The following NBEA variants were observed in gnomAD, a reference collection of about 807,000 sequenced individuals.
NBEA encodes neurobeachin, also known as lysosomal-trafficking regulator 2.
In NBEA, 44 loss-of-function variants were observed where a neutral mutation model predicts 343.4. That is an observed-to-expected ratio of 0.13 (90% confidence interval 0.10 to 0.16). The LOEUF is 0.16. NBEA is among the 10% of genes least tolerant of loss of function. The probability of loss-of-function intolerance (pLI) is 1.00; values close to 1 mark genes in which losing one functional copy is unlikely to be tolerated. For synonymous variants in NBEA, 1,175 were observed against 1,238.7 expected (o/e 0.95, Z 1.08); for missense variants, 2,555 against 3,631.3 (o/e 0.70, Z 7.62).
At position 35,672,670 on chromosome 13, in the gene NBEA, G is replaced by A; in HGVS notation, c.*1679G>A. The A allele has an allele frequency of 6.5e-6, 1 of 152,714 alleles. No homozygotes were observed. Among genetic ancestry groups the A allele is most frequent in the Non-Finnish European group, 1.5e-5 (1 of 68,020 alleles). 9.5% of individuals were successfully genotyped at this position (152,714 alleles called of 1,614,324 possible). A position where few individuals can be genotyped will look rare whatever the true frequency, so the allele number is the denominator to read the frequency against. ...TGTAACCATGTTTTATTGCAAAGAT[G>A]TAAAATATGCCAGATGTGTGTGAGT... On this transcript the variant is annotated 3_prime_UTR_variant, in exon 59 of 59. Coordinates refer to ENST00000379939, the MANE Select transcript of NBEA (RefSeq NM_001385012.1).
At chr13:35,386,716 A>G (rs2042257945) in intron 38 of NBEA, among the ~76,000 whole-genome samples, 2 of 152,180 alleles carry the variant, frequency 1.3e-5, no homozygotes, top group East Asian at 3.8e-4. Context: ...ATCAAGGCAA[A>G]CAAACCTGAA....
chr13:35,102,701 T>A (rs1025746754), intron 11 of NBEA, among the ~76,000 whole-genome samples: 1 of 151,890 alleles, frequency 6.6e-6, no homozygotes, highest in African/African-American at 2.4e-5. Context: ...TTGTTACTGG[T>A]ACATAGAATT....
intron 31 of NBEA, among the ~76,000 whole-genome samples, chr13:35,199,508 A>G (rs2072868709): frequency 6.6e-6 from 1 of 152,156 alleles, no homozygotes; most frequent in Admixed American, 6.6e-5. Flanking sequence ...TCCTAATAAT[A>G]TTGTACAGTC....
chr13:35,173,443 T>G, intron 26 of NBEA, 21 bp from the exon 27 acceptor site: 1 of 1,559,730 alleles, frequency 6.4e-7, no homozygotes, highest in Non-Finnish European at 8.7e-7. Context: ...ATTAACAATA[T>G]GTTTTTGAAT....
chr13:35,361,593 G>T (rs898711264), intron 38 of NBEA, among the ~76,000 whole-genome samples: 3 of 152,002 alleles, frequency 2.0e-5, no homozygotes, highest in Non-Finnish European at 2.9e-5. Flanking sequence ...ACTTCTAGGA[G>T]AAAACATAGG....
At chr13:35,473,848 G>T (rs2075754518) in intron 41 of NBEA, among the ~76,000 whole-genome samples, 1 of 152,120 alleles carries the variant, frequency 6.6e-6, no homozygotes, top group Admixed American at 6.5e-5. Flanking sequence ...GTTTCATTAT[G>T]ACTTTGTTAA....
chr13:35,055,401 C>A (rs183302086), intron 6 of NBEA, among the ~76,000 whole-genome samples: 15 of 151,708 alleles, frequency 9.9e-5, no homozygotes, highest in Non-Finnish European at 1.5e-4. Context: ...AATATTCCCA[C>A]ATTGTTATTA....
At chr13:35,332,482 T>C (rs2038984387) in intron 36 of NBEA, among the ~76,000 whole-genome samples, 1 of 152,124 alleles carries the variant, frequency 6.6e-6, no homozygotes, top group South Asian at 2.1e-4. Flanking sequence ...TTAACTGTTA[T>C]CTTGTAAGTT....
chr13:34,943,746 ATC>A (rs1475536080), intron 1 of NBEA, among the ~76,000 whole-genome samples: 3 of 152,128 alleles, frequency 2.0e-5, no homozygotes, highest in Non-Finnish European at 4.4e-5. Context: ...GAATATACTG[ATC>A]TCTTAGTCAT....
At chr13:35,161,997 A>G (rs1167529168) in intron 23 of NBEA, 30 bp downstream of exon 23, 1 of 1,508,284 alleles carries the variant, frequency 6.6e-7, no homozygotes, top group South Asian at 1.2e-5. Flanking sequence ...ATAAATTAAA[A>G]GCAAATATTT....
intron 34 of NBEA, among the ~76,000 whole-genome samples, chr13:35,266,521 T>C (rs1417781290): frequency 2.6e-5 from 4 of 151,712 alleles, no homozygotes; most frequent in African/African-American, 4.8e-5. Flanking sequence ...GAAGGAAATA[T>C]TTTCCTTTGC....
chr13:35,429,072 A>G lies in NBEA; in HGVS notation c.6180-3197A>G, dbSNP rs369746283. Among the ~76,000 whole-genome samples the G allele has an allele frequency of 1.0e-3, 158 of 152,282 alleles. 1 individual carries two copies. Among genetic ancestry groups the G allele is most frequent in the East Asian group, 1.5e-3 (8 of 5,170 alleles). ...GCAGTGAAAGTCCTGACTCTGCAGTAGGCTTACTCTGACACTTCCCCAGTG... is the reference window on the plus strand; with the variant it reads ...GCAGTGAAAGTCCTGACTCTGCAGTGGGCTTACTCTGACACTTCCCCAGTG... On this transcript the variant is annotated intron_variant, in intron 38 of 58. Transcript: ENST00000379939.
intron 41 of NBEA, among the ~76,000 whole-genome samples, chr13:35,486,778 G>A (rs1228629827): frequency 6.6e-6 from 1 of 151,970 alleles, no homozygotes; most frequent in Non-Finnish European, 1.5e-5. Flanking sequence ...GGTAAATACT[G>A]AGATACTTTT....
chr13:35,124,629 CATACACACACATATATGGAT>C (rs1238949301), intron 17 of NBEA, among the ~76,000 whole-genome samples: 4,136 of 136,610 alleles, frequency 0.03, 85 homozygotes, highest in South Asian at 0.081. Flanking sequence ...TATGGATATA[CATACACACACATATATGGAT>C]ATACACACAC....
intron 1 of NBEA, among the ~76,000 whole-genome samples, chr13:34,981,989 G>T (rs146902237): frequency 6.6e-6 from 1 of 150,756 alleles, no homozygotes. Flanking sequence ...TAAGCTTATG[G>T]TTTATCAACA....
chr13:35,220,691 C>T (rs552629822), intron 33 of NBEA, among the ~76,000 whole-genome samples: 50 of 152,096 alleles, frequency 3.3e-4, no homozygotes, highest in South Asian at 6.2e-4. Context: ...TGTTTTCAGG[C>T]GCTGTGGATT....
chr13:35,021,843 T>TA (rs1424578975), intron 1 of NBEA, among the ~76,000 whole-genome samples: 1 of 152,194 alleles, frequency 6.6e-6, no homozygotes, highest in African/African-American at 2.4e-5. Context: ...TTGTTATTTT[T>TA]ACTTTAGATA....
chr13:35,662,796 G>A (rs1175300245), intron 55 of NBEA, among the ~76,000 whole-genome samples: 3 of 151,974 alleles, frequency 2.0e-5, no homozygotes, highest in Non-Finnish European at 2.9e-5. Flanking sequence ...CCCTGCAATA[G>A]GATCAGATTG....
chr13:35,231,273 C>T (rs540989455), intron 33 of NBEA, among the ~76,000 whole-genome samples: 43 of 151,858 alleles, frequency 2.8e-4, no homozygotes, highest in African/African-American at 9.6e-4. Context: ...AGAAGTCATC[C>T]GATATTATTC....
Sources: gnomAD v4.1 joint callset for allele counts (sites outside exome capture counted in the v4.1 genomes callset) on GRCh38, gnomAD v4.1.1 for gene constraint, MANE v1.5 for transcripts, NCBI Gene and HGNC (gene_info 2026-07-23, HGNC 2026-07-21) for gene names.